The following CROT variants were observed in gnomAD, a reference collection of about 807,000 sequenced individuals.
The protein encoded by CROT is peroxisomal carnitine O-octanoyltransferase.
In CROT, 84 loss-of-function variants were observed where a neutral mutation model predicts 89.2. The observed-to-expected ratio is 0.94, with a 90% CI of 0.79 to 1.13. The LOEUF (loss-of-function observed/expected upper bound fraction) is 1.13. Among genes scored for constraint, CROT ranks in the 50% most tolerant of loss-of-function variants. The pLI is 0.00. For synonymous variants in CROT, 212 were observed against 239.5 expected (o/e 0.89, Z 1.06); for missense variants, 711 against 727.8 (o/e 0.98, Z 0.27).
At chr7:87,388,469 C>G (rs1807251922) in intron 13 of CROT, among the ~76,000 whole-genome samples, 1 of 152,124 alleles carries the variant, frequency 6.6e-6, no homozygotes, top group South Asian at 2.1e-4. Flanking sequence ...AGAAATAACA[C>G]CACACATCTA....
At chr7:87,353,558 C>CA (rs1562927086) in intron 3 of CROT, among the ~76,000 whole-genome samples, 1 of 152,006 alleles carries the variant, frequency 6.6e-6, no homozygotes, top group Non-Finnish European at 1.5e-5. Flanking sequence ...AATTTATTTT[C>CA]AAAAAAGAAG....
chr7:87,373,567 G>A (rs934483355), intron 7 of CROT, among the ~76,000 whole-genome samples: 15 of 152,056 alleles, frequency 9.9e-5, no homozygotes, highest in African/African-American at 3.6e-4. Context: ...TGGGAAGGGG[G>A]AGATAATGTT....
In CROT at chr7:87,361,718, T is replaced by C. The variant is rs6971676; in HGVS notation, c.423-10T>C. 2.7e-3 allele frequency: 4,185 copies of C among 1,566,896 alleles called. 90 individuals carry two copies. The African/African-American group carries it at 0.05, about 19-fold the overall frequency. On this transcript the variant is annotated splice_polypyrimidine_tract_variant and intron_variant, in intron 5 of 17. Transcript: ENST00000331536. ...TAATGACTTTTTGATCAAAATCCTT[T>C]TTTTAATAGAGAAAAAGTGCCTGTT...
intron 13 of CROT, among the ~76,000 whole-genome samples, chr7:87,384,297 C>T (rs560591075): frequency 3.3e-5 from 5 of 152,068 alleles, no homozygotes; most frequent in Non-Finnish European, 7.4e-5. Context: ...TTTGGGAGGC[C>T]GAGGTGGGCA....
At chr7:87,384,622 A>T (rs1372296724) in intron 13 of CROT, among the ~76,000 whole-genome samples, 1 of 152,230 alleles carries the variant, frequency 6.6e-6, no homozygotes, top group African/African-American at 2.4e-5. Context: ...TATTCTGATT[A>T]TTAATTTCTT....
chr7:87,376,370 C>T (rs1227471998), intron 9 of CROT, among the ~76,000 whole-genome samples: 3 of 151,980 alleles, frequency 2.0e-5, no homozygotes, highest in Admixed American at 6.6e-5. Context: ...AATTATGTCA[C>T]CCTTGTAAGT....
At chr7:87,396,515 G>A (rs1453549797) in intron 17 of CROT, among the ~76,000 whole-genome samples, 1 of 152,084 alleles carries the variant, frequency 6.6e-6, no homozygotes, top group Non-Finnish European at 1.5e-5. Flanking sequence ...AGCAAGTGGG[G>A]CAAGGGTTGG....
chr7:87,357,558 G>C, intron 3 of CROT: 1 of 1,434,200 alleles, frequency 7.0e-7, no homozygotes, highest in Non-Finnish European at 9.6e-7. Flanking sequence ...GCTAAGAGAG[G>C]GTTCTTGGAT....
intron 3 of CROT, chr7:87,354,307 A>G (rs1805985690): frequency 4.0e-6 from 2 of 504,092 alleles, no homozygotes; most frequent in African/African-American, 1.9e-5. Context: ...CAAAAAGGCA[A>G]AGAAAAATTC....
chr7:87,393,914 T>A (rs1807445205), intron 17 of CROT, among the ~76,000 whole-genome samples: 1 of 152,112 alleles, frequency 6.6e-6, no homozygotes, highest in Non-Finnish European at 1.5e-5. Flanking sequence ...TTGAAAAAAC[T>A]CAAAACTGTG....
intron 3 of CROT, among the ~76,000 whole-genome samples, chr7:87,352,078 G>A (rs1481125203): frequency 6.6e-6 from 1 of 152,196 alleles, no homozygotes; most frequent in African/African-American, 2.4e-5. Context: ...TGAATTCCAA[G>A]AAGAGGAAAG....
chr7:87,348,006 A>G (rs1030482221), intron 2 of CROT, among the ~76,000 whole-genome samples: 1 of 152,224 alleles, frequency 6.6e-6, no homozygotes, highest in Non-Finnish European at 1.5e-5. Context: ...GAAAACAGGT[A>G]TTAGCTGAAA....
chr7:87,367,318 G>T (rs1806480789), intron 6 of CROT, among the ~76,000 whole-genome samples: 1 of 152,152 alleles, frequency 6.6e-6, no homozygotes, highest in Admixed American at 6.5e-5. Context: ...AGGGGTTCAT[G>T]AGCCCAAGGA....
chr7:87,370,633 T>G (rs1806602100), intron 7 of CROT, among the ~76,000 whole-genome samples: 1 of 152,232 alleles, frequency 6.6e-6, no homozygotes, highest in Non-Finnish European at 1.5e-5. Context: ...TACAACTAAA[T>G]ATTCATGTAA....
chr7:87,392,709 A>G (rs1459907865), intron 15 of CROT, 21 bp from the exon 16 acceptor site: 20 of 1,611,782 alleles, frequency 1.2e-5, no homozygotes, highest in Non-Finnish European at 1.6e-5. Flanking sequence ...TTCTAACCTG[A>G]GATTTGGGGT....
intron 3 of CROT, among the ~76,000 whole-genome samples, chr7:87,355,756 G>T (rs1459425193): frequency 6.6e-6 from 1 of 152,106 alleles, no homozygotes; most frequent in East Asian, 1.9e-4. Flanking sequence ...TCTGGGTGGG[G>T]CCTCTAACCT....
intron 4 of CROT, chr7:87,359,614 A>G: frequency 8.6e-7 from 1 of 1,168,750 alleles, no homozygotes; most frequent in Non-Finnish European, 1.1e-6. Flanking sequence ...GTTTGGCTGC[A>G]GGTAATCTGT....
At position 87,399,722 on chromosome 7, in the gene CROT, T is replaced by TA. The variant is rs1443169568; in HGVS notation, c.*1079dup. The TA allele has an allele frequency of 6.6e-6, 1 of 152,260 alleles. No individual in the cohort carries two copies. 9.4% of individuals were successfully genotyped at this position (152,260 alleles called of 1,614,324 possible). On this transcript the variant is annotated 3_prime_UTR_variant, in exon 18 of 18. Transcript: ENST00000331536. ...CCTCGCTGTTCAATTTTGTAGTTTT[T>TA]ACTCTCAAAAAATGAAATTCTCAAA... is the stretch of plus-strand genomic sequence containing the variant.
chr7:87,359,150 G>C, intron 3 of CROT, 56 bp from the exon 4 acceptor site: 1 of 1,130,578 alleles, frequency 8.8e-7, no homozygotes, highest in Non-Finnish European at 1.3e-6. Flanking sequence ...AGTAATAATA[G>C]AGGTGAGTTG....
Sources: gnomAD v4.1 joint callset for allele counts (sites outside exome capture counted in the v4.1 genomes callset) on GRCh38, gnomAD v4.1.1 for gene constraint, MANE v1.5 for transcripts, NCBI Gene and HGNC (gene_info 2026-07-23, HGNC 2026-07-21) for gene names.